The following RRM2 variants were observed in gnomAD, a reference collection of about 807,000 sequenced individuals.
The protein encoded by RRM2 is ribonucleotide reductase regulatory subunit M2.
RRM2 carries 6 observed loss-of-function variants against 45.9 expected under a neutral mutation model. The observed-to-expected ratio is 0.13, with a 90% confidence interval of 0.07 to 0.26. The LOEUF (loss-of-function observed/expected upper bound fraction) is 0.26, where lower values mean the gene tolerates loss of function less well. RRM2 is among the 10% of genes least tolerant of loss of function. The pLI is 1.00. For synonymous variants in RRM2, 177 were observed against 173.0 expected (o/e 1.02, Z -0.18); for missense variants, 343 against 489.5 (o/e 0.70, Z 2.82).
At chr2:10,147,825 C>T (rs1663221532) in intron 3 of RRM2, among the ~76,000 whole-genome samples, 1 of 151,648 alleles carries the variant, frequency 6.6e-6, no homozygotes, top group Non-Finnish European at 1.5e-5. Context: ...TATTTTTGCC[C>T]CCTCCCCCAT....
rs887901205 is a variant in RRM2, at chr2:10,127,982, C to T, written c.798+762C>T. Reference sequence around the variant, plus strand: ...GAGATTGAGACCATCCTGGCTAACACGGTGAAACCCCATCTCTACTAAAAA... The same window carrying T: ...GAGATTGAGACCATCCTGGCTAACATGGTGAAACCCCATCTCTACTAAAAA... On this transcript the variant is annotated intron_variant, in intron 7 of 9. Transcript: ENST00000304567. This position sits in a 1 kb window ranked among gnomAD's most constrained non-coding sequence, Gnocchi z 4.1. Among the ~76,000 whole-genome samples the T allele has an allele frequency of 6.6e-6, 1 of 151,678 alleles. No homozygotes were observed. Among genetic ancestry groups the T allele is most frequent in the Non-Finnish European group, 1.5e-5 (1 of 67,886 alleles).
intron 3 of RRM2, among the ~76,000 whole-genome samples, chr2:10,180,593 C>T (rs1664025328): frequency 1.3e-5 from 2 of 152,146 alleles, no homozygotes; most frequent in Admixed American, 1.3e-4. Flanking sequence ...GCCTCCAGGG[C>T]TCCTGCCTCC....
chr2:10,138,627 T>C (rs879481084), upstream of RRM2, among the ~76,000 whole-genome samples: 1 of 152,054 alleles, frequency 6.6e-6, no homozygotes, highest in Admixed American at 6.6e-5. Context: ...AAAAACTGAC[T>C]GCTCTTGGAG....
chr2:10,196,409 GC>G (rs1192126107), intron 3 of RRM2, among the ~76,000 whole-genome samples: 1 of 152,240 alleles, frequency 6.6e-6, no homozygotes, highest in African/African-American at 2.4e-5. Context: ...GCAGAGACCA[GC>G]AGGAGCCCTG....
At chr2:10,170,571 G>A (rs189194118) in intron 3 of RRM2, among the ~76,000 whole-genome samples, 21 of 152,304 alleles carry the variant, frequency 1.4e-4, no homozygotes, top group African/African-American at 5.1e-4. Context: ...CGCCTGGGCA[G>A]CTGATGAGCT....
rs1663815795 is a variant in RRM2 at position 10,172,012 on chromosome 2, C to T, written n.482+29637C>T. ...ACCGGGCAGAGGAGCCCTGCTAGTCCAGGCCGGGCCAGCGCCCAAGGATGA... is the reference window on the plus strand; with the variant it reads ...ACCGGGCAGAGGAGCCCTGCTAGTCTAGGCCGGGCCAGCGCCCAAGGATGA... On this transcript the variant is annotated intron_variant and non_coding_transcript_variant, in intron 3 of 3. Coordinates refer to the RRM2 transcript ENST00000381786. This position sits in a 1 kb window ranked among gnomAD's most constrained non-coding sequence, Gnocchi z 4.9. Among the ~76,000 whole-genome samples the T allele has an allele frequency of 6.6e-6, 1 of 152,128 alleles. No homozygotes were observed. The highest frequency in any genetic ancestry group is 2.4e-5 in the African/African-American group (1 of 41,422).
At chr2:10,177,697 T>TCCCTC (rs1406680797) in intron 3 of RRM2, among the ~76,000 whole-genome samples, 4 of 122,556 alleles carry the variant, frequency 3.3e-5, no homozygotes, top group African/African-American at 1.2e-4. Flanking sequence ...CTTCCTTCCT[T>TCCCTC]CCTTCCTTCC....
upstream of RRM2, among the ~76,000 whole-genome samples, chr2:10,137,651 G>T (rs1442289466): frequency 6.6e-6 from 1 of 152,246 alleles, no homozygotes; most frequent in Non-Finnish European, 1.5e-5. Context: ...TGCCCAAATG[G>T]AGCCTCACGC....
rs1403469692 is a variant in RRM2, at chr2:10,130,722, TGG to T, written c.*1338_*1339del. On this transcript the variant is annotated 3_prime_UTR_variant, in exon 10 of 10. Transcript: ENST00000304567. ...TTGGCTCACTGTAACCTCCATCTCCTGGGTTCAAGCAATTCTCCTGTCTCAGC... is the reference window on the plus strand; with the variant it reads ...TTGGCTCACTGTAACCTCCATCTCCTGTTCAAGCAATTCTCCTGTCTCAGC... The T allele has an allele frequency of 6.6e-6, 1 of 151,404 alleles. No individual in the cohort carries two copies. The highest frequency in any genetic ancestry group is 1.5e-5 in the Non-Finnish European group (1 of 67,954). The allele number at this position is 151,404 out of a possible 1,614,324, so 9.4% of individuals were successfully genotyped here.
chr2:10,167,434 A>C (rs1663706945), intron 3 of RRM2, among the ~76,000 whole-genome samples: 1 of 152,080 alleles, frequency 6.6e-6, no homozygotes, highest in South Asian at 2.1e-4. Flanking sequence ...TGCAGAGGAC[A>C]AACAGTGGGG....
At chr2:10,192,518 A>G (rs1353134682) in intron 3 of RRM2, 1 of 154,606 alleles carries the variant, frequency 6.5e-6, no homozygotes, top group African/African-American at 2.4e-5. Context: ...ACTTGTGACC[A>G]GGGTTTTCAA....
chr2:10,123,335 A>G (rs983179336), intron 2 of RRM2, 52 bp from the exon 3 acceptor site: 6 of 1,544,958 alleles, frequency 3.9e-6, no homozygotes, highest in Non-Finnish European at 5.2e-6. Context: ...GAAAAACGTT[A>G]GTTTCATATG....
chr2:10,173,927 G>A (rs779097406), intron 3 of RRM2, among the ~76,000 whole-genome samples: 2 of 152,188 alleles, frequency 1.3e-5, no homozygotes, highest in Admixed American at 6.5e-5. Context: ...CGTGGGGGGC[G>A]TGATCTGGCA....
downstream of RRM2, among the ~76,000 whole-genome samples, chr2:10,133,789 C>T (rs1204085315): frequency 5.3e-5 from 8 of 150,854 alleles, no homozygotes; most frequent in Non-Finnish European, 1.0e-4. Context: ...TTAGCCTTGG[C>T]TCTAGAGACT....
intron 3 of RRM2, among the ~76,000 whole-genome samples, chr2:10,179,049 A>G (rs543432581): frequency 2.9e-5 from 3 of 102,922 alleles, no homozygotes; most frequent in Admixed American, 2.1e-4. Flanking sequence ...TTGTTATAGC[A>G]GCTGGAACAG....
chr2:10,154,274 G>T (rs116444565), intron 3 of RRM2, among the ~76,000 whole-genome samples: 4,251 of 152,236 alleles, frequency 0.028, 207 homozygotes, highest in African/African-American at 0.097. Context: ...AGGGGTTCTA[G>T]ACCAGCCTGG....
At chr2:10,149,981 G>A (rs748629186) in intron 3 of RRM2, among the ~76,000 whole-genome samples, 16 of 152,156 alleles carry the variant, frequency 1.1e-4, no homozygotes, top group Non-Finnish European at 2.1e-4. Context: ...CCTCTGACTC[G>A]TTTCTAGTTT....
chr2:10,137,796 C>T (rs62129886), upstream of RRM2, among the ~76,000 whole-genome samples: 198 of 152,286 alleles, frequency 1.3e-3, no homozygotes, highest in Non-Finnish European at 2.3e-3. Context: ...TCCCTCTCCT[C>T]TACTTCAGGG....
upstream of RRM2, among the ~76,000 whole-genome samples, chr2:10,137,673 G>T (rs899116461): frequency 6.6e-6 from 1 of 152,240 alleles, no homozygotes; most frequent in Non-Finnish European, 1.5e-5. Flanking sequence ...TAGGAATGGG[G>T]TGAGTGGGAA....
Sources: gnomAD v4.1 joint callset for allele counts (sites outside exome capture counted in the v4.1 genomes callset) on GRCh38, gnomAD v4.1.1 for gene constraint, Gnocchi (gnomAD v3.1) non-coding constraint, MANE v1.5 for transcripts, NCBI Gene and HGNC (gene_info 2026-07-23, HGNC 2026-07-21) for gene names.